TMEM248: variants seen among roughly 807,000 people sequenced by gnomAD.
TMEM248 encodes the protein UPF0458 protein C7orf42.
Under a neutral mutation model 30.3 loss-of-function variants are expected in TMEM248, and 9 were observed. The ratio of observed to expected loss-of-function variants is 0.30; its 90% CI spans 0.18 to 0.52. The LOEUF (loss-of-function observed/expected upper bound fraction) is 0.52, where lower values mean the gene tolerates loss of function less well. TMEM248 is among the 20% of genes least tolerant of loss of function. The probability of loss-of-function intolerance (pLI) is 0.97; values close to 1 mark genes in which losing one functional copy is unlikely to be tolerated. For synonymous variants in TMEM248, 184 were observed against 154.4 expected, an observed-to-expected ratio of 1.19 and a Z score of -1.42; for missense variants, 338 against 403.3, an observed-to-expected ratio of 0.84 and a Z score of 1.39.
At chr7:66,921,989 C>G (rs1220289929) in intron 1 of TMEM248, 1 of 152,238 alleles carries the variant, frequency 6.6e-6, no homozygotes, top group African/African-American at 2.4e-5. Context: ...GCAAGGTAAT[C>G]TAGAGGCATG....
chr7:66,951,613 A>G (rs1792271707), intron 5 of TMEM248, among the ~76,000 whole-genome samples: 1 of 151,426 alleles, frequency 6.6e-6, no homozygotes, highest in South Asian at 2.1e-4. Context: ...GGCAAGGGGA[A>G]CAAAATACTT....
intron 1 of TMEM248, among the ~76,000 whole-genome samples, chr7:66,936,714 C>A (rs1791813767): frequency 6.6e-6 from 1 of 152,088 alleles, no homozygotes; most frequent in Admixed American, 6.5e-5. Context: ...GGAATTCATC[C>A]ATTTCTTCTA....
Position 66,940,361 on chromosome 7 carries a change from A to C in TMEM248, c.-18-1487A>C, listed in dbSNP as rs113326493. Among the ~76,000 whole-genome samples, 194 of 152,346 alleles carry C rather than the reference A, an allele frequency of 1.3e-3. 1 individual carries two copies. The highest frequency in any genetic ancestry group is 4.5e-3 in the African/African-American group (187 of 41,588). ...ATGGTCAAAAATGGCAGGAAGCATT[A>C]AATACTTATGAATAAACTTAATAAA... is the stretch of plus-strand genomic sequence containing the variant. On this transcript the variant is annotated intron_variant, in intron 1 of 6. Transcript: ENST00000341567.
At position 66,948,686 on chromosome 7, in the gene TMEM248, C is replaced by T. The variant is rs761716828; in HGVS notation, c.588C>T (p.Pro196=). 5.6e-6 allele frequency: 9 copies of T among 1,609,766 alleles called. No homozygotes were observed. Among genetic ancestry groups the T allele is most frequent in the African/African-American group, 1.3e-5 (1 of 74,846 alleles). The part of the protein sequence containing the change: ...MTLTASPGVF[P]VTVQPPHCVP... ...TCACGGCCAGCCCTGGGGTGTTCCC[C>T]GTCACTGTGTAAGTGTACCCGGCAC... Residue 196 remains proline (P), a synonymous_variant, in exon 4 of 7, where the codon CCC becomes CCT. Transcript: ENST00000341567.
intron 5 of TMEM248, among the ~76,000 whole-genome samples, chr7:66,952,772 G>C (rs1337350801): frequency 6.6e-6 from 1 of 152,240 alleles, no homozygotes; most frequent in Non-Finnish European, 1.5e-5. Flanking sequence ...CCCCTGGGGA[G>C]GGGTGAGGTG....
intron 1 of TMEM248, among the ~76,000 whole-genome samples, chr7:66,928,328 AGTT>A (rs775279569): frequency 3.9e-4 from 60 of 151,916 alleles, no homozygotes; most frequent in African/African-American, 1.4e-3. Flanking sequence ...ATGGCATGTG[AGTT>A]GTTTTTTTTT....
intron 4 of TMEM248, among the ~76,000 whole-genome samples, chr7:66,949,154 A>G (rs1395741642): frequency 6.6e-6 from 1 of 151,592 alleles, no homozygotes; most frequent in Non-Finnish European, 1.5e-5. Context: ...AAAAAAAAAA[A>G]AAGAAAGAAA....
At chr7:66,939,281 G>A (rs117347277) in intron 1 of TMEM248, among the ~76,000 whole-genome samples, 2,215 of 152,264 alleles carry the variant, frequency 0.015, 59 homozygotes, top group East Asian at 0.092. Context: ...TCTTGTACCT[G>A]TTGCAATGCG....
intron 5 of TMEM248, among the ~76,000 whole-genome samples, chr7:66,951,808 A>G (rs898174798): frequency 6.6e-6 from 1 of 151,928 alleles, no homozygotes; most frequent in African/African-American, 2.4e-5. Flanking sequence ...CTACAGGTGC[A>G]TGTCACCATG....
chr7:66,934,048 CG>C (rs1791738662), intron 1 of TMEM248, among the ~76,000 whole-genome samples: 1 of 151,550 alleles, frequency 6.6e-6, no homozygotes, highest in East Asian at 1.9e-4. Flanking sequence ...GAAATTTTCT[CG>C]TAACTCTTTG....
At chr7:66,953,738 G>C (rs949037819) in intron 6 of TMEM248, among the ~76,000 whole-genome samples, 1 of 151,748 alleles carries the variant, frequency 6.6e-6, no homozygotes, top group Non-Finnish European at 1.5e-5. Flanking sequence ...CCGAGGAGCT[G>C]GGATTACAGT....
chr7:66,948,251 G>A (rs1241901403), intron 3 of TMEM248, among the ~76,000 whole-genome samples: 3 of 152,176 alleles, frequency 2.0e-5, no homozygotes, highest in African/African-American at 7.2e-5. Context: ...CAGAAATGCT[G>A]GGGATAATTC....
At chr7:66,951,199 C>CATA in intron 5 of TMEM248, 64 bp downstream of exon 5, 1 of 1,440,082 alleles carries the variant, frequency 6.9e-7, no homozygotes, top group Non-Finnish European at 9.2e-7. Context: ...TGCGCATGTG[C>CATA]TGCAACCGTT....
chr7:66,944,863 G>C, intron 2 of TMEM248, 113 bp from the exon 3 acceptor site: 3 of 1,110,286 alleles, frequency 2.7e-6, no homozygotes, highest in Non-Finnish European at 3.9e-6. Flanking sequence ...GATCAGCTCT[G>C]AATTGTAGTT....
rs1466120141 is a variant in TMEM248 at position 66,956,983 on chromosome 7, C to G, written c.*1461C>G. Reference sequence around the variant, plus strand: ...AGCCACTGCTCTCGGCCCTCTTACACCATTTTGTTTGATTGTCTAGTCCCT... The same window carrying G: ...AGCCACTGCTCTCGGCCCTCTTACAGCATTTTGTTTGATTGTCTAGTCCCT... On this transcript the variant is annotated 3_prime_UTR_variant, in exon 7 of 7. Transcript: ENST00000341567. 2.0e-5 allele frequency: 3 copies of G among 152,626 alleles called. No individual in the cohort carries two copies. The allele number at this position is 152,626 out of a possible 1,614,324, so 9.5% of individuals were successfully genotyped here. A position where few individuals can be genotyped will look rare whatever the true frequency, so the allele number is the denominator to read the frequency against.
At position 66,934,508 on chromosome 7, in the gene TMEM248, T is replaced by C. The variant is rs899029509; in HGVS notation, c.-18-7340T>C. 4.6e-5 allele frequency among the ~76,000 whole-genome samples: 7 copies of C among 152,196 alleles called. No homozygotes were observed. In the South Asian group the frequency reaches 8.3e-4, roughly 18 times the overall value. ...GAACCACTGCGCCCGGTCCATTCTT[T>C]CGCTTTTTTAGTGACTATAATTGTC... On this transcript the variant is annotated intron_variant, in intron 1 of 6. Transcript: ENST00000341567.
Position 66,955,669 on chromosome 7 carries a change from A to G in TMEM248, c.*147A>G, listed in dbSNP as rs1792382795. The G allele has an allele frequency of 1.1e-6, 1 of 927,044 alleles. No homozygotes were observed. Among genetic ancestry groups the G allele is most frequent in the Non-Finnish European group, 1.6e-6 (1 of 612,202 alleles). The allele number at this position is 927,044 out of a possible 1,614,324, so 57.4% of individuals were successfully genotyped here. Reference sequence around the variant, plus strand: ...AAGACATTTCAAGTGCCTGTAACTGATTTGTACATATTTATAAAAATCTAT... The same window carrying G: ...AAGACATTTCAAGTGCCTGTAACTGGTTTGTACATATTTATAAAAATCTAT... On this transcript the variant is annotated 3_prime_UTR_variant, in exon 7 of 7. Transcript: ENST00000341567.
At position 66,958,303 on chromosome 7, in the gene TMEM248, TGTAA is replaced by T. The variant is rs1170369026; in HGVS notation, c.*2784_*2787del. The T allele has an allele frequency of 2.0e-5, 3 of 152,690 alleles. No homozygotes were observed. Among genetic ancestry groups the T allele is most frequent in the Non-Finnish European group, 4.4e-5 (3 of 68,058 alleles). The allele number at this position is 152,690 out of a possible 1,614,324, so 9.5% of individuals were successfully genotyped here. ...GACTTGAATCAGTTTTGATTCTATT[TGTAA>T]GTGTTTCTTGTCGTGAGGCACCTGC... On this transcript the variant is annotated 3_prime_UTR_variant, in exon 7 of 7. Coordinates refer to ENST00000341567, the MANE Select transcript of TMEM248 (RefSeq NM_017994.5).
At chr7:66,932,062 C>T (rs1245925967) in intron 1 of TMEM248, among the ~76,000 whole-genome samples, 2 of 151,956 alleles carry the variant, frequency 1.3e-5, no homozygotes, top group East Asian at 1.9e-4. Flanking sequence ...CCTTGGCCTC[C>T]CAAAGTGCTG....
Sources: gnomAD v4.1 joint callset for allele counts (sites outside exome capture counted in the v4.1 genomes callset) on GRCh38, gnomAD v4.1.1 for gene constraint, MANE v1.5 for transcripts, NCBI Gene and HGNC (gene_info 2026-07-23, HGNC 2026-07-21) for gene names.